The following ORC4 variants were observed in gnomAD, a reference collection of about 807,000 sequenced individuals.
ORC4 encodes the protein origin recognition complex, subunit 4 homolog.
A neutral mutation model predicts 63.9 loss-of-function variants in ORC4; 55 were observed. That is an observed-to-expected ratio of 0.86 (90% CI 0.69 to 1.08). The LOEUF (loss-of-function observed/expected upper bound fraction) is 1.08, where lower values mean the gene tolerates loss of function less well. Among genes scored for constraint, ORC4 ranks in the 50% least tolerant of loss-of-function variants. ORC4 has a pLI of 0.00. For missense variants in ORC4, 511 were observed against 504.4 expected (o/e 1.01, Z -0.13); for synonymous variants, 150 against 168.5 (o/e 0.89, Z 0.85).
chr2:148,003,954 A>G (rs1429204551), intron 1 of ORC4, among the ~76,000 whole-genome samples: 1 of 152,204 alleles, frequency 6.6e-6, no homozygotes, highest in Admixed American at 6.5e-5. Context: ...AAGCATTCCT[A>G]TATACCAATA....
chr2:147,997,482 T>C (rs1692040954), intron 1 of ORC4, among the ~76,000 whole-genome samples: 1 of 152,134 alleles, frequency 6.6e-6, no homozygotes, highest in Non-Finnish European at 1.5e-5. Context: ...ACACCAATCA[T>C]CACACTATTC....
At chr2:147,987,200 T>A (rs1213467652) in intron 1 of ORC4, among the ~76,000 whole-genome samples, 1 of 142,730 alleles carries the variant, frequency 7.0e-6, no homozygotes. Flanking sequence ...AAAAAAAAAA[T>A]CTCTTGGGTT....
chr2:148,005,607 C>T (rs1347260221), intron 1 of ORC4, among the ~76,000 whole-genome samples: 1 of 148,700 alleles, frequency 6.7e-6, no homozygotes, highest in Non-Finnish European at 1.5e-5. Context: ...AAGAGAATCC[C>T]CCAGGAATCA....
rs116061885 is a variant in ORC4, at chr2:147,976,475, G to T, written c.-17-500C>A. 3.2e-3 allele frequency among the ~76,000 whole-genome samples: 481 copies of T among 152,170 alleles called. 6 individuals carry two copies. The highest frequency in any genetic ancestry group is 0.011 in the African/African-American group (460 of 41,514). On this transcript the variant is annotated intron_variant, in intron 1 of 13. Coordinates refer to ENST00000392857, the MANE Select transcript of ORC4 (RefSeq NM_181741.4). ...ATATTTGCTTCACTGCAATGGTCTGGAACTGAACCTACAATACCTCCAGGC... is the reference window on the plus strand; with the variant it reads ...ATATTTGCTTCACTGCAATGGTCTGTAACTGAACCTACAATACCTCCAGGC...
At chr2:148,005,254 C>A (rs768222612) in intron 1 of ORC4, among the ~76,000 whole-genome samples, 1 of 152,090 alleles carries the variant, frequency 6.6e-6, no homozygotes, top group African/African-American at 2.4e-5. Flanking sequence ...ATGTCCTTTG[C>A]AGGGACACGG....
intron 1 of ORC4, among the ~76,000 whole-genome samples, chr2:147,995,046 G>C (rs1031624181): frequency 2.1e-5 from 3 of 146,264 alleles, no homozygotes; most frequent in Non-Finnish European, 4.5e-5. Flanking sequence ...GCGCTCTGTG[G>C]ATTAAAGGAT....
chr2:147,982,314 T>C lies in ORC4; in HGVS notation c.-17-6339A>G, dbSNP rs528938773. Among the ~76,000 whole-genome samples the C allele has an allele frequency of 1.1e-4, 16 of 152,338 alleles. No homozygotes were observed. The East Asian group carries it at 2.9e-3, about 28-fold the overall frequency. ...CTCTGGTTTATGATGCTCTTGACTA[T>C]CAGCCAAAATCTAAAATCACAAAGA... On this transcript the variant is annotated intron_variant, in intron 1 of 13. Transcript: ENST00000392857.
chr2:147,968,217 TC>T (rs1459212013), intron 4 of ORC4, among the ~76,000 whole-genome samples: 2 of 151,940 alleles, frequency 1.3e-5, no homozygotes, highest in Non-Finnish European at 2.9e-5. Flanking sequence ...GGGTAATACT[TC>T]AGGACACTAG....
chr2:147,987,389 T>TACAC (rs765955947), intron 1 of ORC4, among the ~76,000 whole-genome samples: 1 of 132,220 alleles, frequency 7.6e-6, no homozygotes, highest in Non-Finnish European at 1.7e-5. Flanking sequence ...TGTGTATATA[T>TACAC]ATACACACAC....
chr2:148,006,189 A>T (rs1253192717), intron 1 of ORC4, among the ~76,000 whole-genome samples: 2 of 152,158 alleles, frequency 1.3e-5, no homozygotes, highest in Non-Finnish European at 2.9e-5. Context: ...AGCGAAAGTA[A>T]GTATGGGACT....
chr2:147,950,125 A>G (rs1237745594), intron 8 of ORC4, among the ~76,000 whole-genome samples: 1 of 152,208 alleles, frequency 6.6e-6, no homozygotes, highest in African/African-American at 2.4e-5. Flanking sequence ...CATGAGAACT[A>G]AAAGACAAGA....
Position 147,972,837 on chromosome 2 carries a change from G to A in ORC4, c.135-8C>T. On this transcript the variant is annotated splice_region_variant and splice_polypyrimidine_tract_variant and intron_variant, in intron 3 of 13. Transcript: ENST00000392857. ...AGCAGCTCACTTAAGTGTCTAAAAT[G>A]ATATAAATAGGACAAAATTTTAAAA... 2 of 1,564,212 alleles carry A rather than the reference G, an allele frequency of 1.3e-6. No homozygotes were observed. Among genetic ancestry groups the A allele is most frequent in the Non-Finnish European group, 8.8e-7 (1 of 1,135,202 alleles).
intron 1 of ORC4, among the ~76,000 whole-genome samples, chr2:148,018,688 T>C (rs1425583712): frequency 6.6e-6 from 1 of 152,208 alleles, no homozygotes; most frequent in Non-Finnish European, 1.5e-5. Flanking sequence ...ATATGTAATA[T>C]ATAATCCACT....
chr2:147,966,957 T>C (rs912241978), intron 4 of ORC4, among the ~76,000 whole-genome samples: 3 of 152,006 alleles, frequency 2.0e-5, no homozygotes, highest in Non-Finnish European at 4.4e-5. Flanking sequence ...TTCAATAAAG[T>C]ATTAGTAAGC....
At chr2:147,989,355 CAG>C (rs1050968358) in intron 1 of ORC4, among the ~76,000 whole-genome samples, 1 of 152,086 alleles carries the variant, frequency 6.6e-6, no homozygotes, top group African/African-American at 2.4e-5. Flanking sequence ...CCTCAGAGCT[CAG>C]ACTGTTCTGA....
At position 148,005,674 on chromosome 2, in the gene ORC4, A is replaced by C. The variant is rs865848753; in HGVS notation, c.-18+14959T>G. On this transcript the variant is annotated intron_variant, in intron 1 of 13. Coordinates refer to ENST00000392857, the MANE Select transcript of ORC4 (RefSeq NM_181741.4). The stretch of plus-strand genomic sequence containing the variant: ...ATCCATGCAAAAAAAAAAAAAAAAA[A>C]AAAAAACAACCTTCATAAGAATCAG... Among the ~76,000 whole-genome samples the C allele has an allele frequency of 9.3e-5, 14 of 150,510 alleles. No homozygotes were observed. In the South Asian group the frequency reaches 1.9e-3, roughly 20 times the overall value.
At chr2:147,983,388 C>T (rs975029873) in intron 1 of ORC4, among the ~76,000 whole-genome samples, 4 of 152,188 alleles carry the variant, frequency 2.6e-5, no homozygotes, top group Admixed American at 6.5e-5. Context: ...AGTACCCAGA[C>T]AGTAAGGGAC....
intron 1 of ORC4, among the ~76,000 whole-genome samples, chr2:147,996,716 C>T (rs892154147): frequency 6.6e-6 from 1 of 152,142 alleles, no homozygotes; most frequent in African/African-American, 2.4e-5. Context: ...TACCATTGCA[C>T]ACCTATTACA....
upstream of ORC4, chr2:148,021,424 CA>C (rs1693712229): frequency 5.5e-6 from 3 of 548,756 alleles, no homozygotes; most frequent in African/African-American, 1.9e-5. Context: ...AGAAAGAAAC[CA>C]AAAGCCTCTT....
Sources: allele counts gnomAD v4.1 joint callset (sites outside exome capture counted in the v4.1 genomes callset), GRCh38; gene constraint gnomAD v4.1.1; transcripts MANE v1.5; gene names NCBI Gene and HGNC (gene_info 2026-07-23, HGNC 2026-07-21).